DSCAM: variants seen among roughly 807,000 people sequenced by gnomAD.
DSCAM encodes the protein cell adhesion molecule DSCAM.
In DSCAM, 47 loss-of-function variants were observed where a neutral mutation model predicts 217.7. The observed-to-expected ratio is 0.22, with a 90% confidence interval of 0.17 to 0.28. DSCAM has a LOEUF of 0.28. Ranked by LOEUF, DSCAM falls within the 10% of genes least tolerant of loss-of-function variation. The probability of loss-of-function intolerance (pLI) is 1.00; values close to 1 mark genes in which losing one functional copy is unlikely to be tolerated. For missense variants in DSCAM, 2,080 were observed against 2,618.3 expected, an observed-to-expected ratio of 0.79 and a Z score of 4.49; for synonymous variants, 1,056 against 1,015.3, an observed-to-expected ratio of 1.04 and a Z score of -0.76.
intron 1 of DSCAM, among the ~76,000 whole-genome samples, chr21:40,779,544 G>T (rs2091521175): frequency 6.6e-6 from 1 of 152,202 alleles, no homozygotes; most frequent in Non-Finnish European, 1.5e-5. Context: ...GAGAGGCGAA[G>T]CTGCTGTCCT....
intron 20 of DSCAM, among the ~76,000 whole-genome samples, chr21:40,097,244 CA>C (rs1444629372): frequency 6.6e-6 from 1 of 151,868 alleles, no homozygotes; most frequent in Non-Finnish European, 1.5e-5. Context: ...AACAATAGCA[CA>C]AATGTTGGGA....
At chr21:40,172,811 A>G (rs8131802) in intron 15 of DSCAM, among the ~76,000 whole-genome samples, 52,555 of 152,072 alleles carry the variant, frequency 0.35, 9,265 homozygotes, top group African/African-American at 0.39. Flanking sequence ...AAAAATATAT[A>G]AATTTTTAAA....
At chr21:40,564,442 G>C (rs183082982) in intron 3 of DSCAM, among the ~76,000 whole-genome samples, 1 of 152,298 alleles carries the variant, frequency 6.6e-6, no homozygotes, top group Admixed American at 6.5e-5. Flanking sequence ...AAGAGGCAGT[G>C]TTGCTTTATT....
At chr21:40,385,680 G>A (rs2075077246) in intron 3 of DSCAM, among the ~76,000 whole-genome samples, 1 of 152,112 alleles carries the variant, frequency 6.6e-6, no homozygotes, top group Non-Finnish European at 1.5e-5. Flanking sequence ...GAGGGGTTTG[G>A]CTCTCACATG....
At chr21:40,516,645 A>G (rs1476041043) in intron 3 of DSCAM, among the ~76,000 whole-genome samples, 5 of 151,760 alleles carry the variant, frequency 3.3e-5, no homozygotes, top group Admixed American at 6.6e-5. Context: ...AAATAGAACA[A>G]CTCTTCCCGG....
chr21:40,486,227 T>G (rs1010335009), intron 3 of DSCAM, among the ~76,000 whole-genome samples: 11 of 152,182 alleles, frequency 7.2e-5, no homozygotes, highest in Admixed American at 6.5e-4. Flanking sequence ...CACCAGGACT[T>G]GGGATAATCA....
intron 3 of DSCAM, among the ~76,000 whole-genome samples, chr21:40,470,318 A>G (rs1292777955): frequency 3.3e-5 from 5 of 152,220 alleles, no homozygotes; most frequent in African/African-American, 1.2e-4. Flanking sequence ...TGGAAACACA[A>G]TATTAAAGAA....
intron 3 of DSCAM, among the ~76,000 whole-genome samples, chr21:40,416,582 G>A (rs2075374062): frequency 6.6e-6 from 1 of 151,984 alleles, no homozygotes; most frequent in Admixed American, 6.5e-5. Flanking sequence ...AGAGCAAAAT[G>A]AAAAATGACA....
intron 4 of DSCAM, among the ~76,000 whole-genome samples, chr21:40,361,655 A>G (rs903262397): frequency 3.9e-5 from 6 of 152,114 alleles, no homozygotes; most frequent in Non-Finnish European, 7.4e-5. Flanking sequence ...ACAACAAAAA[A>G]CAAAAAAGGG....
chr21:40,391,645 G>A (rs888653853), intron 3 of DSCAM, among the ~76,000 whole-genome samples: 2 of 152,182 alleles, frequency 1.3e-5, no homozygotes, highest in Non-Finnish European at 1.5e-5. Flanking sequence ...GTGACAGGAT[G>A]TCTCCCCACT....
chr21:40,154,061 C>T (rs1310751726), intron 16 of DSCAM, among the ~76,000 whole-genome samples: 2 of 152,112 alleles, frequency 1.3e-5, no homozygotes, highest in South Asian at 2.1e-4. Context: ...AACCAGCTGG[C>T]TATCTTGGTC....
At chr21:40,512,059 A>C (rs1373365005) in intron 3 of DSCAM, among the ~76,000 whole-genome samples, 1 of 150,854 alleles carries the variant, frequency 6.6e-6, no homozygotes, top group Non-Finnish European at 1.5e-5. Flanking sequence ...GCATGCAAAA[A>C]GCTTTCTCCA....
At chr21:40,172,800 A>C (rs2090673712) in intron 15 of DSCAM, among the ~76,000 whole-genome samples, 1 of 152,238 alleles carries the variant, frequency 6.6e-6, no homozygotes, top group Non-Finnish European at 1.5e-5. Context: ...CAAAAGCAGA[A>C]AAAAATATAT....
intron 3 of DSCAM, among the ~76,000 whole-genome samples, chr21:40,515,700 A>G (rs2076293897): frequency 6.6e-6 from 1 of 152,160 alleles, no homozygotes; most frequent in African/African-American, 2.4e-5. Flanking sequence ...CAAAGATTCA[A>G]CTTTATTCCC....
At chr21:40,317,615 C>T (rs2074212506) in intron 8 of DSCAM, among the ~76,000 whole-genome samples, 1 of 152,020 alleles carries the variant, frequency 6.6e-6, no homozygotes, top group African/African-American at 2.4e-5. Flanking sequence ...CTGCAACCTC[C>T]ACCTCCCGGG....
rs10678618 is a variant in DSCAM at position 40,433,346 on chromosome 21, T to TAAAA, written c.509-64105_509-64102dup. 7.5e-5 allele frequency among the ~76,000 whole-genome samples: 7 copies of TAAAA among 93,646 alleles called. 1 individual carries two copies. The highest frequency in any genetic ancestry group is 1.0e-4 in the Non-Finnish European group (5 of 49,568). The allele number at this position is 93,646 out of a possible 152,430, so 61.4% of individuals were successfully genotyped here. Reference sequence around the variant, plus strand: ...TTGGGTGACAGAGTAAGACTCCGTCTAAAAAAAAAAAAAAAAAAAAAGAGC... The same window carrying TAAAA: ...TTGGGTGACAGAGTAAGACTCCGTCTAAAAAAAAAAAAAAAAAAAAAAAAAGAGC... On this transcript the variant is annotated intron_variant, in intron 3 of 32. Transcript: ENST00000400454.
intron 29 of DSCAM, 32 bp downstream of exon 29, chr21:40,055,693 C>T (rs982968350): frequency 5.1e-6 from 8 of 1,559,950 alleles, no homozygotes; most frequent in Non-Finnish European, 1.8e-6. Flanking sequence ...GTGGCAGCCA[C>T]TTTGTGTAAA....
At chr21:40,497,648 A>G (rs1321344843) in intron 3 of DSCAM, among the ~76,000 whole-genome samples, 2 of 152,270 alleles carry the variant, frequency 1.3e-5, no homozygotes, top group Non-Finnish European at 2.9e-5. Context: ...AAGTATATTC[A>G]GTAATGCATA....
intron 16 of DSCAM, among the ~76,000 whole-genome samples, chr21:40,145,557 G>C (rs942467036): frequency 1.3e-5 from 2 of 152,076 alleles, no homozygotes; most frequent in African/African-American, 2.4e-5. Flanking sequence ...TTCAAGGATG[G>C]TATAAGGCTG....
Sources: allele counts gnomAD v4.1 joint callset (sites outside exome capture counted in the v4.1 genomes callset), GRCh38; gene constraint gnomAD v4.1.1; transcripts MANE v1.5; gene names NCBI Gene and HGNC (gene_info 2026-07-23, HGNC 2026-07-21).